The following DACH1 variants were observed in gnomAD, a reference collection of about 807,000 sequenced individuals.
DACH1 encodes dachshund homolog 1.
In DACH1, 12 loss-of-function variants were observed where a neutral mutation model predicts 54.2. The ratio of observed to expected loss-of-function variants is 0.22; its 90% CI spans 0.14 to 0.36. DACH1 has a LOEUF of 0.36. Ranked by LOEUF, DACH1 falls within the 10% of genes least tolerant of loss-of-function variation. The pLI, the probability that DACH1 is intolerant of heterozygous loss-of-function variation, is 1.00. For synonymous variants in DACH1, 386 were observed against 366.2 expected (o/e 1.05, Z -0.62); for missense variants, 805 against 929.8 (o/e 0.87, Z 1.75).
intron 1 of DACH1, among the ~76,000 whole-genome samples, chr13:71,735,184 TA>T (rs1883974969): frequency 6.6e-6 from 1 of 150,858 alleles, no homozygotes; most frequent in Non-Finnish European, 1.5e-5. Context: ...GTATATGGGA[TA>T]TACGTATGTA....
At chr13:71,771,860 G>A (rs1243511946) in intron 1 of DACH1, among the ~76,000 whole-genome samples, 3 of 150,732 alleles carry the variant, frequency 2.0e-5, no homozygotes, top group Non-Finnish European at 4.5e-5. Context: ...ACATAAAGGT[G>A]GGTTACCATT....
At chr13:71,790,515 G>A (rs542642132) in intron 1 of DACH1, among the ~76,000 whole-genome samples, 83 of 152,234 alleles carry the variant, frequency 5.5e-4, no homozygotes, top group African/African-American at 1.8e-3. Context: ...ATATTTGGTG[G>A]TTAAGATGCT....
At chr13:71,694,869 T>A (rs150726526) in intron 1 of DACH1, among the ~76,000 whole-genome samples, 433 of 152,310 alleles carry the variant, frequency 2.8e-3, no homozygotes, top group Non-Finnish European at 4.5e-3. Context: ...GAACTAGAAT[T>A]CTTTTGAGCA....
At chr13:71,661,008 G>T (rs1047362847) in intron 2 of DACH1, among the ~76,000 whole-genome samples, 1 of 149,192 alleles carries the variant, frequency 6.7e-6, no homozygotes, top group African/African-American at 2.4e-5. Context: ...CTATAACATT[G>T]TTATAGAAAA....
intron 2 of DACH1, among the ~76,000 whole-genome samples, chr13:71,659,801 A>T (rs1477804986): frequency 6.6e-6 from 1 of 152,160 alleles, no homozygotes; most frequent in Non-Finnish European, 1.5e-5. Context: ...TGGACTTTCA[A>T]ACTTTAATTT....
At chr13:71,594,240 T>C (rs1873933008) in intron 3 of DACH1, among the ~76,000 whole-genome samples, 1 of 151,794 alleles carries the variant, frequency 6.6e-6, no homozygotes, top group African/African-American at 2.4e-5. Flanking sequence ...AAAAGGAAAT[T>C]GTGTAAAATA....
intron 1 of DACH1, among the ~76,000 whole-genome samples, chr13:71,747,869 G>A (rs569975985): frequency 7.2e-5 from 11 of 152,184 alleles, no homozygotes; most frequent in Admixed American, 5.9e-4. Context: ...TCTCAGGACC[G>A]ATAGGTAGGA....
At chr13:71,659,416 A>T (rs1879351124) in intron 2 of DACH1, among the ~76,000 whole-genome samples, 1 of 152,168 alleles carries the variant, frequency 6.6e-6, no homozygotes, top group Admixed American at 6.5e-5. Flanking sequence ...ATTTCCAATG[A>T]TGAAGTCCCA....
intron 1 of DACH1, among the ~76,000 whole-genome samples, chr13:71,772,476 C>T (rs1885898054): frequency 6.6e-6 from 1 of 151,648 alleles, no homozygotes; most frequent in Non-Finnish European, 1.5e-5. Flanking sequence ...AGTCATTAAC[C>T]ATTCTCTCAG....
chr13:71,514,438 A>G (rs555545910), intron 6 of DACH1, among the ~76,000 whole-genome samples: 2 of 151,978 alleles, frequency 1.3e-5, no homozygotes, highest in East Asian at 3.9e-4. Context: ...GAATTAAAAT[A>G]CTATATTTCT....
intron 1 of DACH1, among the ~76,000 whole-genome samples, chr13:71,815,813 C>T (rs1054125871): frequency 2.0e-5 from 3 of 152,252 alleles, no homozygotes; most frequent in Admixed American, 6.5e-5. Context: ...AGGCCGGGCG[C>T]GGTGGCTCAC....
chr13:71,596,418 C>T (rs2138477359), intron 3 of DACH1, among the ~76,000 whole-genome samples: 1 of 152,210 alleles, frequency 6.6e-6, no homozygotes, highest in East Asian at 1.9e-4. Flanking sequence ...CATTTATACA[C>T]TTTGGGGATT....
At chr13:71,855,599 C>A (rs1405570314) in intron 1 of DACH1, among the ~76,000 whole-genome samples, 2 of 151,824 alleles carry the variant, frequency 1.3e-5, no homozygotes, top group East Asian at 3.8e-4. Context: ...CAACTTAGGC[C>A]CATTTCATGT....
intron 3 of DACH1, among the ~76,000 whole-genome samples, chr13:71,619,860 T>C (rs1593996851): frequency 6.6e-6 from 1 of 151,900 alleles, no homozygotes; most frequent in Admixed American, 6.6e-5. Context: ...TAGGAAATTG[T>C]ATAATATTTA....
At chr13:71,802,948 A>G (rs192683019) in intron 1 of DACH1, among the ~76,000 whole-genome samples, 1 of 152,292 alleles carries the variant, frequency 6.6e-6, no homozygotes. Context: ...ACAGTTGGCA[A>G]AAACAAAGTC....
chr13:71,754,313 A>C (rs1405442899), intron 1 of DACH1, among the ~76,000 whole-genome samples: 1 of 152,162 alleles, frequency 6.6e-6, no homozygotes, highest in African/African-American at 2.4e-5. Flanking sequence ...AATATGAGAT[A>C]TGCTTCCTGG....
intron 1 of DACH1, among the ~76,000 whole-genome samples, chr13:71,762,768 C>CAAAAAAA (rs34543654): frequency 7.0e-5 from 5 of 71,192 alleles, no homozygotes; most frequent in African/African-American, 6.1e-5. Flanking sequence ...AACTTTGTCT[C>CAAAAAAA]AAAAAAAAAA....
At chr13:71,749,997 AAGC>A (rs1334013564) in intron 1 of DACH1, among the ~76,000 whole-genome samples, 1 of 152,202 alleles carries the variant, frequency 6.6e-6, no homozygotes, top group Non-Finnish European at 1.5e-5. Flanking sequence ...TTATGCTTTC[AAGC>A]AACTATTTAT....
At chr13:71,799,872 A>G (rs779862866) in intron 1 of DACH1, among the ~76,000 whole-genome samples, 10 of 152,128 alleles carry the variant, frequency 6.6e-5, no homozygotes, top group Admixed American at 1.3e-4. Context: ...CCATTTTCGG[A>G]TGGAAAAAAT....
Sources: allele counts gnomAD v4.1 joint callset (sites outside exome capture counted in the v4.1 genomes callset), GRCh38; gene constraint gnomAD v4.1.1; transcripts MANE v1.5; gene names NCBI Gene and HGNC (gene_info 2026-07-23, HGNC 2026-07-21).